Variants in TMEM117 observed in about 807,000 individuals in gnomAD.
TMEM117 encodes transmembrane protein 117.
A neutral mutation model predicts 52.4 loss-of-function variants in TMEM117; 27 were observed. The ratio of observed to expected loss-of-function variants is 0.51; its 90% CI spans 0.38 to 0.71. TMEM117 has a LOEUF of 0.71. Among genes scored for constraint, TMEM117 ranks in the 30% least tolerant of loss-of-function variants. The probability of loss-of-function intolerance (pLI) is 0.00; values close to 1 mark genes in which losing one functional copy is unlikely to be tolerated. For missense variants in TMEM117, 556 were observed against 630.5 expected, an observed-to-expected ratio of 0.88 and a Z score of 1.26; for synonymous variants, 215 against 206.3, an observed-to-expected ratio of 1.04 and a Z score of -0.36.
intron 5 of TMEM117, among the ~76,000 whole-genome samples, chr12:44,224,420 C>T (rs544298474): frequency 6.6e-6 from 1 of 152,224 alleles, no homozygotes; most frequent in South Asian, 2.1e-4. Context: ...TTCTCTACAT[C>T]CTTCATCTGT....
At chr12:43,918,407 A>G (rs1332483516) in intron 2 of TMEM117, among the ~76,000 whole-genome samples, 2 of 152,216 alleles carry the variant, frequency 1.3e-5, no homozygotes, top group Admixed American at 1.3e-4. Context: ...CTTGTCACCC[A>G]GTTCTTGCCA....
intron 5 of TMEM117, among the ~76,000 whole-genome samples, chr12:44,252,186 C>T (rs776820304): frequency 5.3e-5 from 8 of 152,102 alleles, no homozygotes; most frequent in Non-Finnish European, 7.4e-5. Flanking sequence ...TTTTTTTCCA[C>T]CTATTAAACT....
At chr12:44,222,240 T>G (rs1374335288) in intron 5 of TMEM117, among the ~76,000 whole-genome samples, 1 of 152,150 alleles carries the variant, frequency 6.6e-6, no homozygotes, top group Non-Finnish European at 1.5e-5. Context: ...AGTCTTGGAC[T>G]GCTGGGACCT....
At chr12:44,014,047 A>G (rs1027664479) in intron 3 of TMEM117, among the ~76,000 whole-genome samples, 1 of 152,106 alleles carries the variant, frequency 6.6e-6, no homozygotes, top group Non-Finnish European at 1.5e-5. Context: ...CCTCAGATAC[A>G]ACTGTGGACT....
At chr12:44,338,602 TA>T (rs1042947575) in intron 6 of TMEM117, among the ~76,000 whole-genome samples, 3 of 151,470 alleles carry the variant, frequency 2.0e-5, no homozygotes, top group Admixed American at 6.6e-5. Flanking sequence ...ATCCAAGGAT[TA>T]AAAAAAAATA....
chr12:44,160,751 A>G (rs998866313), intron 4 of TMEM117, among the ~76,000 whole-genome samples: 10 of 152,136 alleles, frequency 6.6e-5, no homozygotes, highest in African/African-American at 1.9e-4. Flanking sequence ...GCAGTGAGCT[A>G]TGGTTGGTCC....
chr12:44,393,091 T>C (rs1465049082), downstream of TMEM117, among the ~76,000 whole-genome samples: 5 of 152,198 alleles, frequency 3.3e-5, no homozygotes, highest in Non-Finnish European at 5.9e-5. Flanking sequence ...ACTAATTTAA[T>C]ATGTATAAAA....
chr12:43,844,811 G>T lies in TMEM117; in HGVS notation c.160G>T (p.Val54Phe). The change falls in exon 2 of 8, where the codon GTT (valine) becomes TTT (phenylalanine). Residue 54 changes from valine to phenylalanine, a missense_variant. Transcript: ENST00000266534. ...TGTTGTTGGAAACTGTTTTTCATTT[G>T]TTACAAATAAATACCCTAGAGGAGT... Reference protein sequence around the residue: ...VIVVGNCFSFVTNKYPRGVGW... With the variant: ...VIVVGNCFSFFTNKYPRGVGW... 1 of 1,614,120 alleles carries T rather than the reference G, an allele frequency of 6.2e-7. No homozygotes were observed. Among genetic ancestry groups the T allele is most frequent in the Non-Finnish European group, 8.5e-7 (1 of 1,180,010 alleles).
At chr12:44,368,437 A>T (rs750902285) in intron 6 of TMEM117, among the ~76,000 whole-genome samples, 4 of 152,110 alleles carry the variant, frequency 2.6e-5, no homozygotes, top group Non-Finnish European at 5.9e-5. Flanking sequence ...ATTTAGATCA[A>T]CCTTGTACTC....
intron 7 of TMEM117, among the ~76,000 whole-genome samples, chr12:44,380,274 C>T (rs1163098409): frequency 6.6e-6 from 1 of 152,102 alleles, no homozygotes; most frequent in Non-Finnish European, 1.5e-5. Context: ...GCAGAGGAGA[C>T]TATGATTGGG....
intron 6 of TMEM117, among the ~76,000 whole-genome samples, chr12:44,331,867 A>G (rs1188250238): frequency 6.6e-6 from 1 of 152,076 alleles, no homozygotes; most frequent in Non-Finnish European, 1.5e-5. Flanking sequence ...ACTTTGTGAC[A>G]CTTGCTAATT....
the TMEM117 span, among the ~76,000 whole-genome samples, chr12:43,824,702 G>A: frequency 3.9e-5 from 6 of 152,314 alleles, no homozygotes; most frequent in South Asian, 2.1e-4. Flanking sequence ...TTGGGAGGCC[G>A]AGGCAGGCGG....
intron 3 of TMEM117, among the ~76,000 whole-genome samples, chr12:44,075,645 G>A (rs946744810): frequency 2.0e-5 from 3 of 152,136 alleles, no homozygotes; most frequent in Admixed American, 2.0e-4. Context: ...GTCAGGCAGT[G>A]AGTTTAATCT....
chr12:44,096,438 G>A (rs1232911089), intron 3 of TMEM117, among the ~76,000 whole-genome samples: 3 of 152,102 alleles, frequency 2.0e-5, no homozygotes, highest in African/African-American at 4.8e-5. Context: ...AAAGCTGGAG[G>A]CATCACGCTA....
intron 3 of TMEM117, among the ~76,000 whole-genome samples, chr12:44,139,156 T>C (rs765361575): frequency 6.6e-6 from 1 of 152,140 alleles, no homozygotes; most frequent in African/African-American, 2.4e-5. Context: ...TGGCCACAGA[T>C]GGTTTTTCAG....
At chr12:43,928,642 GC>G (rs1463375221) in intron 2 of TMEM117, among the ~76,000 whole-genome samples, 1 of 151,532 alleles carries the variant, frequency 6.6e-6, no homozygotes, top group Non-Finnish European at 1.5e-5. Flanking sequence ...TGTGCACAAT[GC>G]GCAGGTTAGT....
At chr12:44,243,248 A>G (rs1009447120) in intron 5 of TMEM117, among the ~76,000 whole-genome samples, 2 of 151,536 alleles carry the variant, frequency 1.3e-5, no homozygotes, top group Admixed American at 1.3e-4. Flanking sequence ...TCTTGTATTT[A>G]TTTGTATGTT....
At chr12:44,222,615 C>T (rs1488270504) in intron 5 of TMEM117, among the ~76,000 whole-genome samples, 1 of 152,144 alleles carries the variant, frequency 6.6e-6, no homozygotes, top group Non-Finnish European at 1.5e-5. Flanking sequence ...TCTCACTCTT[C>T]TATCCCTCTT....
chr12:44,349,956 G>A (rs951675929), intron 6 of TMEM117, among the ~76,000 whole-genome samples: 5 of 151,946 alleles, frequency 3.3e-5, no homozygotes, highest in Non-Finnish European at 5.9e-5. Flanking sequence ...GGCAAAGGTG[G>A]CTCATTTGCA....
Sources: allele counts gnomAD v4.1 joint callset (sites outside exome capture counted in the v4.1 genomes callset), GRCh38; gene constraint gnomAD v4.1.1; transcripts MANE v1.5; gene names NCBI Gene and HGNC (gene_info 2026-07-23, HGNC 2026-07-21).